The following MACF1 variants were observed in gnomAD, a reference collection of about 807,000 sequenced individuals.
MACF1 encodes microtubule-actin cross-linking factor 1.
In MACF1, 193 loss-of-function variants were observed where a neutral mutation model predicts 854.8. That is an observed-to-expected ratio of 0.23 (90% CI 0.20 to 0.25). The LOEUF is 0.25. Ranked by LOEUF, MACF1 falls within the 10% of genes least tolerant of loss-of-function variation. The pLI is 1.00. For missense variants in MACF1, 7,722 were observed against 8,929.1 expected, an observed-to-expected ratio of 0.86 and a Z score of 5.45; for synonymous variants, 3,185 against 3,226.7, an observed-to-expected ratio of 0.99 and a Z score of 0.44.
rs142429772 is a variant in MACF1, at chr1:39,471,930, G to T, written c.21958+2315G>T. On this transcript the variant is annotated intron_variant, in intron 97 of 100. Transcript: ENST00000564288. ...CTACCGTCACCACCGTCCATCCACA[G>T]AACTCTCTTCATCTTGTAAAACTGA... Among the ~76,000 whole-genome samples the T allele has an allele frequency of 4.3e-3, 658 of 152,148 alleles. 5 individuals carry two copies. The highest frequency in any genetic ancestry group is 0.014 in the African/African-American group (598 of 41,492).
At chr1:39,482,414 C>G (rs1214793543) in intron 99 of MACF1, among the ~76,000 whole-genome samples, 3 of 152,142 alleles carry the variant, frequency 2.0e-5, no homozygotes, top group Non-Finnish European at 4.4e-5. Context: ...GCATAAACGT[C>G]TTAAAGGTCC....
At chr1:39,291,272 T>C (rs2248212) in intron 15 of MACF1, among the ~76,000 whole-genome samples, 131,530 of 152,236 alleles carry the variant, frequency 0.86, 58,229 homozygotes, top group Non-Finnish European at 0.96. Context: ...CCACTGCGCC[T>C]GGCAATCGTA....
At chr1:39,224,189 C>G (rs549774876) in intron 1 of MACF1, among the ~76,000 whole-genome samples, 28 of 152,166 alleles carry the variant, frequency 1.8e-4, no homozygotes, top group African/African-American at 6.5e-4. Flanking sequence ...CCTACTCCCC[C>G]CCATACACAC....
chr1:39,341,904 T>G (rs1454687051), intron 40 of MACF1, among the ~76,000 whole-genome samples: 1 of 151,576 alleles, frequency 6.6e-6, no homozygotes. Context: ...TTCAGGAGAT[T>G]TTTTGTTGTT....
intron 80 of MACF1, among the ~76,000 whole-genome samples, chr1:39,446,950 C>T (rs917597450): frequency 1.3e-5 from 2 of 152,118 alleles, no homozygotes; most frequent in East Asian, 3.8e-4. Context: ...TTTTCATATG[C>T]CATATTTTCT....
rs781276447 is a variant in MACF1, at chr1:39,295,807, G to C, written c.2280G>C (p.Gln760His). 2 of 1,614,038 alleles carry C rather than the reference G, an allele frequency of 1.2e-6. No individual in the cohort carries two copies. Among genetic ancestry groups the C allele is most frequent in the Non-Finnish European group, 1.7e-6 (2 of 1,179,964 alleles). The stretch of plus-strand genomic sequence containing the variant: ...TGCAGGCTTACAGTGCTGCTGTCCA[G>C]TCCCAGTTGCAGTGGATGAAGCAGC... ...QTVEAYSAAV[Q>H]SQLQWMKQLC... Residue 760 changes from glutamine to histidine, a missense_variant, in exon 20 of 101, where the codon CAG becomes CAC. Gln to His is a conservative substitution (Grantham distance 24). Transcript: ENST00000564288.
At chr1:39,482,488 A>G (rs949667786) in intron 99 of MACF1, among the ~76,000 whole-genome samples, 1 of 151,970 alleles carries the variant, frequency 6.6e-6, no homozygotes, top group African/African-American at 2.4e-5. Context: ...AGCATGTGGC[A>G]TAAGTAATGT....
intron 72 of MACF1, among the ~76,000 whole-genome samples, chr1:39,440,050 A>C (rs1644068351): frequency 2.7e-5 from 4 of 148,860 alleles, no homozygotes. Context: ...TTACATTGAC[A>C]TACTTTTTTC....
intron 58 of MACF1, among the ~76,000 whole-genome samples, chr1:39,390,993 C>G (rs1642011650): frequency 6.6e-6 from 1 of 151,876 alleles, no homozygotes; most frequent in South Asian, 2.1e-4. Context: ...CGCCTGTAGT[C>G]CCAGCTACTC....
intron 1 of MACF1, among the ~76,000 whole-genome samples, chr1:39,217,109 A>C (rs1275158625): frequency 6.6e-6 from 1 of 152,124 alleles, no homozygotes; most frequent in African/African-American, 2.4e-5. Flanking sequence ...GTGGATTTTC[A>C]TGTTATATAC....
rs768598893 is a variant in MACF1 at position 39,333,807 on chromosome 1, G to A, written c.7219G>A (p.Val2407Met). The A allele has an allele frequency of 8.1e-6, 13 of 1,614,210 alleles. No homozygotes were observed. The highest frequency in any genetic ancestry group is 3.3e-5 in the Admixed American group (2 of 60,028). ...CACCAGAATTTTAGAGAGGCAGGTG[G>A]TGACTGGTGGAATTATTGATCTGAA... ...TATRILERQV[V>M]TGGIIDLKRG... Residue 2407 changes from valine (V) to methionine (M), a missense_variant, in exon 37 of 101, where the codon GTG (valine) becomes ATG (methionine). By Grantham distance (21) the Val-to-Met change is conservative. Transcript: ENST00000564288.
rs757353826 is a variant in MACF1 at position 39,455,149 on chromosome 1, G to A, written c.21075+52G>A. 1.6e-5 allele frequency: 24 copies of A among 1,548,244 alleles called. 1 individual carries two copies. Among genetic ancestry groups the A allele is most frequent in the Admixed American group, 1.4e-4 (8 of 58,674 alleles). Reference sequence around the variant, plus strand: ...TGGTGTTTTCCGTGTTGGGCATGGAGACCATCTCTGTTGCCCTGTGTATAT... The same window carrying A: ...TGGTGTTTTCCGTGTTGGGCATGGAAACCATCTCTGTTGCCCTGTGTATAT... On this transcript the variant is annotated intron_variant, in intron 89 of 100. Coordinates refer to ENST00000564288, the MANE Select transcript of MACF1 (RefSeq NM_001394062.1).
At chr1:39,123,724 T>TTG (rs1553139378) in intron 2 of MACF1, among the ~76,000 whole-genome samples, 7 of 137,512 alleles carry the variant, frequency 5.1e-5, no homozygotes, top group African/African-American at 1.9e-4. Flanking sequence ...TTTGTTTTTT[T>TTG]TTTTTTTTTT....
chr1:39,297,736 G>A lies in MACF1; in HGVS notation c.2472G>A (p.Gln824=). ...TSLSRLEDLL[Q]DSMDEKEQLI... ...TATCCCGCCTTGAAGACCTGCTCCA[G>A]GACTCCATGGTGGGTGTTGCCTCAG... The change falls in exon 21 of 101, where the codon CAG becomes CAA. Residue 824 remains glutamine (Q), a synonymous_variant. Coordinates refer to ENST00000564288, the MANE Select transcript of MACF1 (RefSeq NM_001394062.1). 6.2e-7 allele frequency: 1 copy of A among 1,614,092 alleles called. No individual in the cohort carries two copies. The highest frequency in any genetic ancestry group is 8.5e-7 in the Non-Finnish European group (1 of 1,180,012).
chr1:39,458,983 T>C, intron 90 of MACF1, 103 bp from the exon 91 acceptor site: 1 of 1,037,168 alleles, frequency 9.6e-7, no homozygotes. Context: ...TTCTCAGTTA[T>C]TGACTGGATA....
chr1:39,378,403 T>C, intron 52 of MACF1, 58 bp from the exon 53 acceptor site: 1 of 1,269,994 alleles, frequency 7.9e-7, no homozygotes, highest in Non-Finnish European at 1.2e-6. Context: ...ATTCAGTGCC[T>C]ATATGTATTC....
At chr1:39,306,242 C>G (rs1571307287) in intron 23 of MACF1, among the ~76,000 whole-genome samples, 1 of 151,828 alleles carries the variant, frequency 6.6e-6, no homozygotes, top group Non-Finnish European at 1.5e-5. Flanking sequence ...TCATTGCAAC[C>G]TTTGCCTCCC....
intron 52 of MACF1, among the ~76,000 whole-genome samples, chr1:39,374,491 C>G (rs1430297945): frequency 1.3e-5 from 2 of 152,186 alleles, no homozygotes; most frequent in African/African-American, 4.8e-5. Context: ...CCTCTACGTT[C>G]AGTGACTTAT....
chr1:39,430,964 AC>A, intron 66 of MACF1, 56 bp downstream of exon 66: 1 of 1,460,754 alleles, frequency 6.8e-7, no homozygotes, highest in Non-Finnish European at 9.6e-7. Flanking sequence ...TGTGTGAGAT[AC>A]AGTACTATGA....
Sources: gnomAD v4.1 joint callset for allele counts (sites outside exome capture counted in the v4.1 genomes callset) on GRCh38, gnomAD v4.1.1 for gene constraint, MANE v1.5 for transcripts, NCBI Gene and HGNC (gene_info 2026-07-23, HGNC 2026-07-21) for gene names.